TNN: variants seen among roughly 807,000 people sequenced by gnomAD.
TNN encodes the protein tenascin N.
In TNN, 122 loss-of-function variants were observed where a neutral mutation model predicts 134.4. That is an observed-to-expected ratio of 0.91 (90% confidence interval 0.78 to 1.06). The LOEUF is 1.06. Among genes scored for constraint, TNN ranks in the 50% least tolerant of loss-of-function variants. The pLI, the probability that TNN is intolerant of heterozygous loss-of-function variation, is 0.00. For synonymous variants in TNN, 710 were observed against 670.3 expected (o/e 1.06, Z -0.91); for missense variants, 1,739 against 1,699.4 (o/e 1.02, Z -0.41).
intron 7 of TNN, among the ~76,000 whole-genome samples, chr1:175,097,008 T>G (rs1360635342): frequency 1.6e-4 from 25 of 152,210 alleles, no homozygotes; most frequent in Admixed American, 1.6e-3. Flanking sequence ...TTCTAGGATA[T>G]TTTTCTTCTC....
At chr1:175,085,535 T>C (rs1202276433) in intron 6 of TNN, 41 bp downstream of exon 6, 1 of 1,353,056 alleles carries the variant, frequency 7.4e-7, no homozygotes, top group Admixed American at 1.8e-5. Flanking sequence ...TTAATCATGT[T>C]TGCATTCTCA....
Position 175,080,116 on chromosome 1 carries a change from C to T in TNN, c.785-47C>T, listed in dbSNP as rs771493696. ...CAGGGAATACTCACTGGGTCTGGATCGCCTCCCTTGCTCACCCTCTCTGCC... is the reference window on the plus strand; with the variant it reads ...CAGGGAATACTCACTGGGTCTGGATTGCCTCCCTTGCTCACCCTCTCTGCC... On this transcript the variant is annotated intron_variant, in intron 3 of 18. Transcript: ENST00000239462. 1.7e-5 allele frequency: 28 copies of T among 1,601,334 alleles called. No homozygotes were observed. The Admixed American group carries it at 1.8e-4, about 11-fold the overall frequency.
In TNN at chr1:175,077,735, A is replaced by G. The variant is rs1267218621; in HGVS notation, c.317A>G (p.Gln106Arg). 6.2e-7 allele frequency: 1 copy of G among 1,614,240 alleles called. No homozygotes were observed. Residue 106 changes from glutamine to arginine, a missense_variant, in exon 2 of 19, where the codon CAG (glutamine) becomes CGG (arginine). Gln to Arg is a conservative substitution (Grantham distance 43). Coordinates refer to ENST00000239462, the MANE Select transcript of TNN (RefSeq NM_022093.2). ...GACTGCGAGTTGGCAGGCAGTGTCC[A>G]GGACCTCCTGGCCCGGGTGAAGAAG... is the stretch of plus-strand genomic sequence containing the variant. ...QKDCELAGSV[Q>R]DLLARVKKLE...
chr1:175,138,889 A>T (rs770466554), intron 17 of TNN, among the ~76,000 whole-genome samples: 1 of 152,248 alleles, frequency 6.6e-6, no homozygotes, highest in Non-Finnish European at 1.5e-5. Context: ...CTACTAGGCT[A>T]CAAACCTGTA....
At chr1:175,101,139 G>A (rs548518717) in intron 9 of TNN, among the ~76,000 whole-genome samples, 7 of 152,320 alleles carry the variant, frequency 4.6e-5, no homozygotes, top group Admixed American at 6.5e-5. Context: ...GGACCCTCGC[G>A]GTGAGTGTTA....
At chr1:175,106,460 C>T (rs1418768640) in intron 9 of TNN, among the ~76,000 whole-genome samples, 1 of 145,938 alleles carries the variant, frequency 6.9e-6, no homozygotes, top group Non-Finnish European at 1.5e-5. Context: ...AAAACTGTGT[C>T]TTTCTGATTG....
In TNN at chr1:175,077,274, T is replaced by C. The variant is rs1167919668; in HGVS notation, c.-35-110T>C. ...GATCCTTGGGAGAAATAGAATGAGT[T>C]CTTTCTGCTGGTTTCCCAGCTTCCT... On this transcript the variant is annotated intron_variant, in intron 1 of 18. Transcript: ENST00000239462. 139 of 836,348 alleles carry C rather than the reference T, an allele frequency of 1.7e-4. 1 individual carries two copies. The highest frequency in any genetic ancestry group is 1.9e-5 in the Non-Finnish European group (10 of 525,468). The allele number at this position is 836,348 out of a possible 1,614,324, so 51.8% of individuals were successfully genotyped here.
Position 175,097,636 on chromosome 1 carries a change from A to G in TNN, c.1808A>G (p.Gln603Arg). 1 of 1,614,228 alleles carries G rather than the reference A, an allele frequency of 6.2e-7. No individual in the cohort carries two copies. The highest frequency in any genetic ancestry group is 8.5e-7 in the Non-Finnish European group (1 of 1,180,036). ...GAGTACACAGTGCATGTCTGGGCCCAGAAGGGGGACCGAGAGAGCAAGAAG... is the reference window on the plus strand; with the variant it reads ...GAGTACACAGTGCATGTCTGGGCCCGGAAGGGGGACCGAGAGAGCAAGAAG... ...GVEYTVHVWA[Q>R]KGDRESKKAD... The change falls in exon 8 of 19, where the codon CAG (glutamine) becomes CGG (arginine). Residue 603 changes from glutamine to arginine, a missense_variant. Physicochemically the swap from Gln to Arg is conservative, Grantham distance 43. Transcript: ENST00000239462.
At chr1:175,100,497 C>T (rs574260915) in intron 9 of TNN, among the ~76,000 whole-genome samples, 6 of 152,328 alleles carry the variant, frequency 3.9e-5, no homozygotes, top group Admixed American at 6.5e-5. Flanking sequence ...TCTCCAATGT[C>T]TTTTATAGGG....
At chr1:175,120,721 T>C (rs1270662386) in intron 11 of TNN, among the ~76,000 whole-genome samples, 2 of 147,266 alleles carry the variant, frequency 1.4e-5, no homozygotes, top group African/African-American at 5.1e-5. Flanking sequence ...TGGATGGCCC[T>C]GTGCCCAGCT....
chr1:175,122,701 G>T (rs957718690), intron 11 of TNN, among the ~76,000 whole-genome samples: 3 of 152,222 alleles, frequency 2.0e-5, no homozygotes, highest in Admixed American at 6.5e-5. Context: ...AGGATTGATT[G>T]GAGAGTGAGC....
chr1:175,135,872 C>G lies in TNN; in HGVS notation c.3358C>G (p.Leu1120Val). Residue 1120 changes from leucine to valine, a missense_variant, in exon 16 of 19, where the codon CTG (leucine) becomes GTG (valine). Coordinates refer to ENST00000239462, the MANE Select transcript of TNN (RefSeq NM_022093.2). The part of the protein sequence containing the change: ...IVFQRRNTGQ[L>V]DFFKRWRSYV... ...CTTCCAGAGGCGGAACACTGGGCAG[C>G]TGGATTTCTTCAAGCGATGGAGGAG... 6.2e-7 allele frequency: 1 copy of G among 1,613,934 alleles called. No individual in the cohort carries two copies. Among genetic ancestry groups the G allele is most frequent in the Non-Finnish European group, 8.5e-7 (1 of 1,179,874 alleles).
In TNN at chr1:175,147,177, A is replaced by G. The variant is rs1414477345; in HGVS notation, c.*106A>G. ...TGGGAGTGCTCAGATAGCCCGCAGA[A>G]CAAATCATGTCACCAAGCTTCAAGC... On this transcript the variant is annotated 3_prime_UTR_variant, in exon 19 of 19. Coordinates refer to ENST00000239462, the MANE Select transcript of TNN (RefSeq NM_022093.2). The G allele has an allele frequency of 8.8e-7, 1 of 1,136,616 alleles. No individual in the cohort carries two copies. Among genetic ancestry groups the G allele is most frequent in the Non-Finnish European group, 1.2e-6 (1 of 861,910 alleles). The allele number at this position is 1,136,616 out of a possible 1,614,324, so 70.4% of individuals were successfully genotyped here. A position where few individuals can be genotyped will look rare whatever the true frequency, so the allele number is the denominator to read the frequency against.
rs368708309 is a variant in TNN, at chr1:175,114,730, C to A, written c.2120-2209C>A. On this transcript the variant is annotated intron_variant, in intron 9 of 18. Coordinates refer to ENST00000239462, the MANE Select transcript of TNN (RefSeq NM_022093.2). ...TGGGCAGGGTGCAGCCGTGGTTTAA[C>A]TTGGAGGAAGAAGAAGTGCTCTGGA... Among the ~76,000 whole-genome samples the A allele has an allele frequency of 3.1e-4, 44 of 144,056 alleles. 1 individual carries two copies. Among genetic ancestry groups the A allele is most frequent in the African/African-American group, 1.1e-3 (44 of 38,500 alleles). 94.5% of individuals were successfully genotyped at this position (144,056 alleles called of 152,430 possible). A position where few individuals can be genotyped will look rare whatever the true frequency, so the allele number is the denominator to read the frequency against.
intron 12 of TNN, among the ~76,000 whole-genome samples, chr1:175,123,930 C>T (rs954722954): frequency 6.6e-6 from 1 of 152,242 alleles, no homozygotes; most frequent in Non-Finnish European, 1.5e-5. Context: ...TCCACACTTG[C>T]TATGGAGAAA....
chr1:175,091,720 C>G (rs1674452445), intron 6 of TNN, among the ~76,000 whole-genome samples: 1 of 152,038 alleles, frequency 6.6e-6, no homozygotes, highest in African/African-American at 2.4e-5. Flanking sequence ...TCCCGAGTAG[C>G]TGGGATTACA....
At chr1:175,144,616 C>G in intron 18 of TNN, 66 bp downstream of exon 18, 1 of 1,513,986 alleles carries the variant, frequency 6.6e-7, no homozygotes, top group Non-Finnish European at 9.0e-7. Context: ...AAATGGACAC[C>G]CTCCAGGCCA....
Position 175,128,718 on chromosome 1 carries a change from A to G in TNN, c.3302A>G (p.Asp1101Gly). ...AGCCGGCCCCTGCAGGTGTACTGTG[A>G]CATGGAAACGGACGGAGGTGGCTGG... is the stretch of plus-strand genomic sequence containing the variant. ...DASRPLQVYC[D>G]METDGGGWIV... Residue 1101 changes from aspartate to glycine, a missense_variant, in exon 15 of 19, where the codon GAC (aspartate) becomes GGC (glycine). Transcript: ENST00000239462. 2 of 1,613,824 alleles carry G rather than the reference A, an allele frequency of 1.2e-6. No individual in the cohort carries two copies. The highest frequency in any genetic ancestry group is 1.7e-6 in the Non-Finnish European group (2 of 1,179,846).
chr1:175,132,642 G>A (rs1675703420), intron 15 of TNN, among the ~76,000 whole-genome samples: 2 of 152,158 alleles, frequency 1.3e-5, no homozygotes, highest in South Asian at 4.1e-4. Context: ...TATGAAGTAG[G>A]CTCTTCTCTT....
Sources: allele counts gnomAD v4.1 joint callset (sites outside exome capture counted in the v4.1 genomes callset), GRCh38; gene constraint gnomAD v4.1.1; transcripts MANE v1.5; gene names NCBI Gene and HGNC (gene_info 2026-07-23, HGNC 2026-07-21).